TAL1: variants seen among roughly 807,000 people sequenced by gnomAD.
TAL1 encodes TAL bHLH transcription factor 1, erythroid differentiation factor.
TAL1 carries 8 observed loss-of-function variants against 17.9 expected under a neutral mutation model. That is an observed-to-expected ratio of 0.45 (90% CI 0.26 to 0.81). The LOEUF (loss-of-function observed/expected upper bound fraction) is 0.81. Ranked by LOEUF, TAL1 falls within the 30% of genes least tolerant of loss-of-function variation. The probability of loss-of-function intolerance (pLI) is 0.17; values close to 1 mark genes in which losing one functional copy is unlikely to be tolerated. For synonymous variants in TAL1, 223 were observed against 218.6 expected, an observed-to-expected ratio of 1.02 and a Z score of -0.18; for missense variants, 466 against 486.9, an observed-to-expected ratio of 0.96 and a Z score of 0.40.
upstream of TAL1, among the ~76,000 whole-genome samples, chr1:47,232,002 G>A (rs1452347403): frequency 6.6e-6 from 1 of 152,100 alleles, no homozygotes; most frequent in East Asian, 1.9e-4. Context: ...GGGGGCGTCC[G>A]TGGAAAATGC....
chr1:47,219,503 T>A (rs944962962), exon 4 of TAL1: 1 of 761,706 alleles, frequency 1.3e-6, no homozygotes, highest in Admixed American at 2.0e-5. Context: ...AAAAAGTACC[T>A]ACCACTTTGC....
intron 3 of TAL1, among the ~76,000 whole-genome samples, chr1:47,222,920 G>C (rs1302410435): frequency 6.6e-6 from 1 of 152,092 alleles, no homozygotes; most frequent in Non-Finnish European, 1.5e-5. Flanking sequence ...CTTCCTGTTT[G>C]GTACACCCAC....
chr1:47,228,585 C>T (rs1403109866), intron 1 of TAL1: 1 of 175,780 alleles, frequency 5.7e-6, no homozygotes, highest in African/African-American at 2.4e-5. Flanking sequence ...TCAAGCAGAC[C>T]CAATCCCCCA....
exon 4 of TAL1, chr1:47,219,502 C>T (rs1336598476): frequency 1.3e-6 from 1 of 758,646 alleles, no homozygotes; most frequent in Non-Finnish European, 2.3e-6. Context: ...CAAAAAGTAC[C>T]TACCACTTTG....
rs769127425 is a variant in TAL1, at chr1:47,225,858, G to A, written c.31C>T (p.Arg11Cys). Residue 11 changes from arginine to cysteine, a missense_variant, in exon 2 of 4, where the codon CGC becomes TGC. Coordinates refer to ENST00000294339, the Ensembl canonical transcript of TAL1. ...CGTCCCTCTAGCTGGGGGTCACTGC[G>A]AGCCGCCTCGCTCGGCGGCCGCTCG... The A allele has an allele frequency of 7.8e-5, 123 of 1,584,100 alleles. 1 individual carries two copies. Among genetic ancestry groups the A allele is most frequent in the South Asian group, 4.2e-4 (38 of 90,380 alleles).
chr1:47,220,712 C>T (rs918014843), intron 3 of TAL1, among the ~76,000 whole-genome samples: 2 of 152,188 alleles, frequency 1.3e-5, no homozygotes, highest in South Asian at 4.1e-4. Context: ...TAAGACAATG[C>T]CTGCCTCAGC....
Position 47,225,579 on chromosome 1 carries a change from C to A in TAL1, c.310G>T (p.Ala104Ser), listed in dbSNP as rs567961282. 352 of 1,283,728 alleles carry A rather than the reference C, an allele frequency of 2.7e-4. 2 individuals are homozygous for A. The African/African-American group carries it at 5.1e-3, about 19-fold the overall frequency. 79.5% of individuals were successfully genotyped at this position (1,283,728 alleles called of 1,614,324 possible). ...AGCTCCGCTGTAACCGAGGCGGGCG[C>A]GGGGGCCGGGGCGGGCCCGGGAGGT... is the stretch of plus-strand genomic sequence containing the variant. Residue 104 changes from alanine (A) to serine (S), a missense_variant, in exon 2 of 4, where the codon GCG becomes TCG. Coordinates refer to ENST00000294339, the Ensembl canonical transcript of TAL1.
chr1:47,217,802 A>G (rs181049202), exon 4 of TAL1: 4 of 398,592 alleles, frequency 1.0e-5, no homozygotes, highest in Non-Finnish European at 1.8e-5. Context: ...GGTGAAGCAA[A>G]CAGCCTTAGA....
At chr1:47,216,446 C>T (rs1645496251) in exon 4 of TAL1, 1 of 229,970 alleles carries the variant, frequency 4.3e-6, no homozygotes, top group Non-Finnish European at 8.6e-6. Context: ...GCGGTTACTC[C>T]TCTTCTGCAG....
chr1:47,228,205 T>A (rs1643942031), intron 1 of TAL1: 1 of 168,890 alleles, frequency 5.9e-6, no homozygotes, highest in Admixed American at 6.4e-5. Flanking sequence ...CTCTCCCGGC[T>A]CCTCCCCACA....
exon 4 of TAL1, chr1:47,219,747 A>T (rs767366310): frequency 6.2e-7 from 1 of 1,610,676 alleles, no homozygotes. Context: ...CATCGGCGGC[A>T]GGCAGCATGG....
At chr1:47,219,347 C>T in exon 4 of TAL1, 1 of 550,076 alleles carries the variant, frequency 1.8e-6, no homozygotes. Context: ...GCAGAGACTG[C>T]TGGATGCCTC....
chr1:47,221,720 C>T (rs1029562388), intron 3 of TAL1, among the ~76,000 whole-genome samples: 4 of 152,186 alleles, frequency 2.6e-5, no homozygotes, highest in Non-Finnish European at 5.9e-5. Context: ...TAAGACCTCA[C>T]CTAAGTCCCA....
chr1:47,227,298 A>G (rs1012065385), intron 1 of TAL1: 1 of 152,274 alleles, frequency 6.6e-6, no homozygotes, highest in African/African-American at 2.4e-5. Context: ...TCAACACCAC[A>G]TAAGTTGTTT....
At chr1:47,219,528 C>CT in exon 4 of TAL1, 1 of 891,874 alleles carries the variant, frequency 1.1e-6, no homozygotes, top group South Asian at 1.4e-5. Flanking sequence ...TTTTTCTGAT[C>CT]TCCTACTGGT....
chr1:47,217,576 A>G (rs1645522238), exon 4 of TAL1: 1 of 398,646 alleles, frequency 2.5e-6, no homozygotes, highest in African/African-American at 2.1e-5. Context: ...GGGAAAAGAA[A>G]AAGTTCTTTA....
intron 2 of TAL1, 44 bp downstream of exon 3, chr1:47,225,399 T>G (rs1387641749): frequency 9.8e-6 from 12 of 1,223,622 alleles, no homozygotes; most frequent in African/African-American, 1.6e-5. Context: ...GTGGTCGCCC[T>G]GCCCACCCGC....
chr1:47,226,346 C>CA (rs1419597259), intron 1 of TAL1: 2 of 157,518 alleles, frequency 1.3e-5, no homozygotes, highest in African/African-American at 2.4e-5. Context: ...ATCTGTCAGG[C>CA]AGGGGTTCGT....
At chr1:47,219,858 G>A (rs1645579883) in exon 4 of TAL1, 3 of 1,596,334 alleles carry the variant, frequency 1.9e-6, no homozygotes, top group Non-Finnish European at 8.6e-7. Context: ...TGGAGTTGGG[G>A]GAAAGCACGT....
Sources: gnomAD v4.1 joint callset for allele counts (sites outside exome capture counted in the v4.1 genomes callset) on GRCh38, gnomAD v4.1.1 for gene constraint, MANE v1.5 for transcripts, NCBI Gene and HGNC (gene_info 2026-07-23, HGNC 2026-07-21) for gene names.